Variants in DDX60L observed in about 807,000 individuals in gnomAD.
DDX60L encodes the protein probable ATP-dependent RNA helicase DDX60-like.
Under a neutral mutation model 211.6 loss-of-function variants are expected in DDX60L, and 191 were observed. That is an observed-to-expected ratio of 0.90 (90% CI 0.80 to 1.02). The LOEUF is 1.02. Among genes scored for constraint, DDX60L ranks in the 50% least tolerant of loss-of-function variants. The probability of loss-of-function intolerance (pLI) is 0.00; values close to 1 mark genes in which losing one functional copy is unlikely to be tolerated. For missense variants in DDX60L, 2,007 were observed against 1,984.1 expected, an observed-to-expected ratio of 1.01 and a Z score of -0.22; for synonymous variants, 706 against 694.1, an observed-to-expected ratio of 1.02 and a Z score of -0.27.
intron 12 of DDX60L, 111 bp from the exon 13 acceptor site, chr4:168,430,749 A>G (rs1752216735): frequency 5.0e-6 from 4 of 793,194 alleles, no homozygotes; most frequent in Middle Eastern, 3.8e-4. Flanking sequence ...GTATTTGCCA[A>G]TGAGGTCAGA....
chr4:168,416,633 T>A (rs373683475), intron 20 of DDX60L, 49 bp downstream of exon 20: 625 of 1,145,188 alleles, frequency 5.5e-4, no homozygotes, highest in Non-Finnish European at 7.2e-4. Flanking sequence ...AGACAGTATA[T>A]AATTCAACCA....
At chr4:168,425,728 T>C (rs1751348616) in intron 14 of DDX60L, among the ~76,000 whole-genome samples, 1 of 152,022 alleles carries the variant, frequency 6.6e-6, no homozygotes, top group Non-Finnish European at 1.5e-5. Flanking sequence ...AAGATCACTC[T>C]ACTGCACTCC....
At position 168,441,332 on chromosome 4, in the gene DDX60L, A is replaced by T. The variant is rs537451223; in HGVS notation, c.1294+5T>A. The T allele has an allele frequency of 6.3e-7, 1 of 1,598,478 alleles. No homozygotes were observed. Among genetic ancestry groups the T allele is most frequent in the Admixed American group, 1.8e-5 (1 of 56,740 alleles). On this transcript the variant is annotated splice_donor_5th_base_variant and intron_variant, in intron 10 of 37. Transcript: ENST00000682922. ...TTGTTCCACTTTAATTTACCCATTTAGTACCTTGAATGACCGATTTCTCTT... is the reference window on the plus strand; with the variant it reads ...TTGTTCCACTTTAATTTACCCATTTTGTACCTTGAATGACCGATTTCTCTT...
chr4:168,378,361 T>C lies in DDX60L; in HGVS notation c.4478A>G (p.Gln1493Arg). 1.4e-6 allele frequency: 2 copies of C among 1,416,404 alleles called. No homozygotes were observed. Among genetic ancestry groups the C allele is most frequent in the Non-Finnish European group, 9.7e-7 (1 of 1,026,700 alleles). 87.7% of individuals were successfully genotyped at this position (1,416,404 alleles called of 1,614,324 possible). A position where few individuals can be genotyped will look rare whatever the true frequency, so the allele number is the denominator to read the frequency against. ...AAGTATAACAAACTTTACCTTTGAC[T>C]GAGAAAAACTTAAATTAGCATTTTG... ...KFQNANLSFS[Q>R]SKVILAELPE... is the part of the protein sequence containing the mutation. The change falls in exon 33 of 38, where the codon CAG (glutamine) becomes CGG (arginine). Residue 1493 changes from glutamine to arginine, a missense_variant. Coordinates refer to ENST00000682922, the MANE Select transcript of DDX60L (RefSeq NM_001012967.3).
At chr4:168,449,000 T>C (rs1012260128) in intron 8 of DDX60L, among the ~76,000 whole-genome samples, 2 of 152,186 alleles carry the variant, frequency 1.3e-5, no homozygotes, top group Non-Finnish European at 2.9e-5. Context: ...CTAGTACTCA[T>C]TATTTACCTT....
chr4:168,459,340 T>C lies in DDX60L; in HGVS notation c.607-1332A>G, dbSNP rs77582161. The stretch of plus-strand genomic sequence containing the variant: ...ATATAAATAAATAAATAAATAAATA[T>C]GGTTATTCTTAAAGAGAGACCAATC... On this transcript the variant is annotated intron_variant, in intron 5 of 37. Transcript: ENST00000682922. Among the ~76,000 whole-genome samples, 1,012 of 150,108 alleles carry C rather than the reference T, an allele frequency of 6.7e-3. 14 individuals carry two copies. Among genetic ancestry groups the C allele is most frequent in the African/African-American group, 0.021 (840 of 40,158 alleles).
Position 168,415,496 on chromosome 4 carries a change from T to C in DDX60L, c.2891A>G (p.Asn964Ser). 6.3e-7 allele frequency: 1 copy of C among 1,597,124 alleles called. No homozygotes were observed. Among genetic ancestry groups the C allele is most frequent in the Non-Finnish European group, 8.6e-7 (1 of 1,167,764 alleles). ...TGAACATATATGCTTCTCTAAATCA[T>C]TGTATCTCTCTCCACAGAGCACTAG... ...VRLVLCGERYNDLEKHICSVK... is the reference protein window; with the variant it reads ...VRLVLCGERYSDLEKHICSVK... The change falls in exon 22 of 38, where the codon AAT becomes AGT. Residue 964 changes from asparagine to serine, a missense_variant. By Grantham distance (46) the Asn-to-Ser change is conservative (BLOSUM62 1). Transcript: ENST00000682922.
chr4:168,416,368 G>A (rs1410388063), intron 20 of DDX60L, among the ~76,000 whole-genome samples: 2 of 152,138 alleles, frequency 1.3e-5, no homozygotes, highest in Admixed American at 1.3e-4. Flanking sequence ...GGGAGACCTT[G>A]ATTTTCTTTG....
At chr4:168,474,248 T>C (rs1759197652) in intron 1 of DDX60L, among the ~76,000 whole-genome samples, 1 of 151,684 alleles carries the variant, frequency 6.6e-6, no homozygotes, top group African/African-American at 2.4e-5. Flanking sequence ...GTGAATGGAG[T>C]GGTCATTCAA....
intron 10 of DDX60L, among the ~76,000 whole-genome samples, chr4:168,440,858 A>C (rs139681878): frequency 6.6e-6 from 1 of 152,318 alleles, no homozygotes; most frequent in East Asian, 1.9e-4. Flanking sequence ...GAGACAGTTC[A>C]CAGCAATAAC....
chr4:168,422,504 A>G lies in DDX60L; in HGVS notation c.2244+20T>C, dbSNP rs1750792169. ...CTGAAGTCACACTGATTAGAAAAGT[A>G]CAATGTTTGTTGTCATTACCTGCCA... On this transcript the variant is annotated intron_variant, in intron 16 of 37. Transcript: ENST00000682922. 3 of 1,598,730 alleles carry G rather than the reference A, an allele frequency of 1.9e-6. No individual in the cohort carries two copies. Among genetic ancestry groups the G allele is most frequent in the Non-Finnish European group, 1.7e-6 (2 of 1,174,306 alleles).
intron 9 of DDX60L, among the ~76,000 whole-genome samples, chr4:168,442,212 T>C (rs1472247621): frequency 6.6e-6 from 1 of 151,750 alleles, no homozygotes; most frequent in African/African-American, 2.4e-5. Flanking sequence ...GGTCAGGGAG[T>C]TCCCTTTCTG....
chr4:168,366,381 A>G (rs1427730234), intron 36 of DDX60L, among the ~76,000 whole-genome samples: 3 of 152,178 alleles, frequency 2.0e-5, no homozygotes, highest in African/African-American at 7.2e-5. Context: ...TTTAAAACAA[A>G]TTCATTTACA....
intron 8 of DDX60L, among the ~76,000 whole-genome samples, chr4:168,450,299 C>T (rs181536668): frequency 6.6e-6 from 1 of 152,144 alleles, no homozygotes; most frequent in African/African-American, 2.4e-5. Context: ...CATCCAGGAA[C>T]TGACTCAGTG....
intron 12 of DDX60L, among the ~76,000 whole-genome samples, chr4:168,431,191 G>A (rs1752290383): frequency 6.6e-6 from 1 of 152,258 alleles, no homozygotes; most frequent in Non-Finnish European, 1.5e-5. Flanking sequence ...GACAGATGCT[G>A]ATACCAATTA....
At chr4:168,478,431 C>T (rs920056787) in intron 1 of DDX60L, among the ~76,000 whole-genome samples, 9 of 152,136 alleles carry the variant, frequency 5.9e-5, no homozygotes, top group African/African-American at 2.2e-4. Context: ...AAGCTGGATA[C>T]ATTTCTTAGA....
chr4:168,448,028 T>TAAAA (rs879442178), intron 9 of DDX60L, among the ~76,000 whole-genome samples: 1 of 145,840 alleles, frequency 6.9e-6, no homozygotes, highest in Non-Finnish European at 1.5e-5. Flanking sequence ...TAAAGTATAA[T>TAAAA]AAAAAAAAAA....
chr4:168,402,101 C>A (rs1746923081), intron 25 of DDX60L, among the ~76,000 whole-genome samples: 1 of 147,692 alleles, frequency 6.8e-6, no homozygotes, highest in African/African-American at 2.5e-5. Flanking sequence ...AGAACCCGGG[C>A]AACTCAGCTT....
At chr4:168,370,719 T>C (rs1339266868) in intron 36 of DDX60L, among the ~76,000 whole-genome samples, 2 of 152,196 alleles carry the variant, frequency 1.3e-5, no homozygotes, top group Non-Finnish European at 2.9e-5. Context: ...TTACAATATG[T>C]CAATTTATAA....
Sources: allele counts gnomAD v4.1 joint callset (sites outside exome capture counted in the v4.1 genomes callset), GRCh38; gene constraint gnomAD v4.1.1; transcripts MANE v1.5; gene names NCBI Gene and HGNC (gene_info 2026-07-23, HGNC 2026-07-21).